The following COPS5 variants were observed in gnomAD, a reference collection of about 807,000 sequenced individuals.
The protein encoded by COPS5 is COP9 signalosome complex subunit 5.
In COPS5, 8 loss-of-function variants were observed where a neutral mutation model predicts 44.4. The ratio of observed to expected loss-of-function variants is 0.18; its 90% confidence interval spans 0.11 to 0.32. COPS5 has a LOEUF of 0.32. COPS5 is among the 10% of genes least tolerant of loss of function. The pLI is 1.00. For missense variants in COPS5, 159 were observed against 406.4 expected (o/e 0.39, Z 5.23); for synonymous variants, 122 against 142.8 (o/e 0.85, Z 1.04).
chr8:67,053,822 C>T (rs958531652), intron 5 of COPS5, among the ~76,000 whole-genome samples: 1 of 151,464 alleles, frequency 6.6e-6, no homozygotes, highest in Non-Finnish European at 1.5e-5. Flanking sequence ...CTGGCTAAGA[C>T]GGTGAAACCC....
At chr8:67,049,508 C>T (rs1346964977) in intron 6 of COPS5, among the ~76,000 whole-genome samples, 1 of 152,172 alleles carries the variant, frequency 6.6e-6, no homozygotes, top group African/African-American at 2.4e-5. Context: ...TCCAGGTCAA[C>T]TGAATAAACC....
intron 1 of COPS5, chr8:67,059,695 TA>T: frequency 2.3e-6 from 1 of 435,508 alleles, no homozygotes; most frequent in Non-Finnish European, 4.2e-6. Context: ...GCTATTCAAA[TA>T]AGGGAGTAAC....
At chr8:67,058,358 T>C (rs957968941) in intron 2 of COPS5, 147 bp from the exon 3 acceptor site, 6 of 666,386 alleles carry the variant, frequency 9.0e-6, no homozygotes, top group South Asian at 5.9e-5. Flanking sequence ...CTATGGGCAA[T>C]TGCTTACCCT....
intron 1 of COPS5, chr8:67,060,527 A>C (rs946080801): frequency 3.1e-6 from 4 of 1,288,962 alleles, no homozygotes; most frequent in Non-Finnish European, 4.0e-6. Flanking sequence ...ATGAATCGAA[A>C]TCTTGGCTTC....
intron 1 of COPS5, 56 bp from the exon 2 acceptor site, chr8:67,059,501 A>G (rs1282026593): frequency 7.5e-6 from 10 of 1,339,630 alleles, no homozygotes; most frequent in East Asian, 7.1e-5. Flanking sequence ...AAATTTCAGA[A>G]AAGTTTTTAT....
chr8:67,055,445 C>G (rs1271401807), intron 5 of COPS5, among the ~76,000 whole-genome samples: 3 of 152,112 alleles, frequency 2.0e-5, no homozygotes, highest in African/African-American at 7.2e-5. Context: ...ATGGCAGTGG[C>G]TTGGGTGAAA....
chr8:67,048,313 TA>T (rs1016404791), intron 6 of COPS5, among the ~76,000 whole-genome samples: 76 of 148,026 alleles, frequency 5.1e-4, no homozygotes, highest in African/African-American at 1.8e-3. Context: ...AATAAAATAA[TA>T]AAATAAAATA....
chr8:67,043,344 A>C, intron 7 of COPS5, 27 bp from the exon 8 acceptor site: 1 of 1,386,112 alleles, frequency 7.2e-7, no homozygotes. Flanking sequence ...ACATCACATG[A>C]TGTCATAAAT....
At chr8:67,050,558 A>G (rs866883883) in intron 6 of COPS5, among the ~76,000 whole-genome samples, 6 of 140,996 alleles carry the variant, frequency 4.3e-5, no homozygotes, top group African/African-American at 1.3e-4. Flanking sequence ...TGTGAGTGTG[A>G]GTGTGTGTGT....
intron 1 of COPS5, 157 bp downstream of exon 1, chr8:67,061,697 G>C: frequency 2.8e-6 from 2 of 713,620 alleles, no homozygotes; most frequent in East Asian, 5.2e-5. Flanking sequence ...GAAAGCCCCA[G>C]CGGAGGGCTT....
chr8:67,048,689 C>A (rs183512443), intron 6 of COPS5, among the ~76,000 whole-genome samples: 3 of 138,344 alleles, frequency 2.2e-5, no homozygotes, highest in African/African-American at 8.1e-5. Context: ...GCACTCCAGC[C>A]GGGGTGACAG....
rs1039768320 is a variant in COPS5, at chr8:67,045,820, T to C, written c.912A>G (p.Thr304=). The change falls in exon 7 of 8, where the codon ACA becomes ACG. Residue 304 remains threonine, a synonymous_variant. Coordinates refer to ENST00000357849, the MANE Select transcript of COPS5 (RefSeq NM_006837.3). ...TATAGATTTACTCTTACCTGTCTCT[T>C]GTAGCTTTGGCAAGTTTGTCTTCTG... The part of the protein sequence containing the change: ...RKSEDKLAKA[T]RDSCKTTIEA... 6 of 1,614,196 alleles carry C rather than the reference T, an allele frequency of 3.7e-6. No individual in the cohort carries two copies. The highest frequency in any genetic ancestry group is 5.1e-6 in the Non-Finnish European group (6 of 1,180,028).
At chr8:67,060,572 C>T in intron 1 of COPS5, 1 of 1,147,728 alleles carries the variant, frequency 8.7e-7, no homozygotes, top group Non-Finnish European at 1.2e-6. Flanking sequence ...AGACAAGTTA[C>T]TGTGCTCCTA....
At chr8:67,053,197 G>A (rs1011838230) in intron 5 of COPS5, among the ~76,000 whole-genome samples, 2 of 151,674 alleles carry the variant, frequency 1.3e-5, no homozygotes, top group Admixed American at 6.6e-5. Context: ...TCAAGTGATC[G>A]TTCTGCCATA....
chr8:67,054,603 T>TA (rs1421306107), intron 5 of COPS5, among the ~76,000 whole-genome samples: 2 of 152,186 alleles, frequency 1.3e-5, no homozygotes, highest in African/African-American at 4.8e-5. Flanking sequence ...TTTACAGAAA[T>TA]ATGTCAGAGA....
chr8:67,053,682 CAG>C (rs1001950986), intron 5 of COPS5, among the ~76,000 whole-genome samples: 2 of 147,734 alleles, frequency 1.4e-5, no homozygotes, highest in African/African-American at 5.0e-5. Flanking sequence ...GCCTGGGTGA[CAG>C]AGTGAGACTC....
chr8:67,051,276 C>T lies in COPS5; in HGVS notation c.725G>A (p.Trp242Ter). Residue 242 changes from tryptophan to a stop codon, truncating the protein, a stop_gained, in exon 6 of 8, where the codon TGG becomes TAG. Coordinates refer to ENST00000357849, the MANE Select transcript of COPS5 (RefSeq NM_006837.3). LOFTEE classifies it high-confidence loss of function. ...CAACGTATTCACCCAGTATTTATTC[C>T]ACAACAGCTCAAGCAATTTGCGATC... is the stretch of plus-strand genomic sequence containing the variant. The part of the protein sequence containing the change: ...SLDRKLLELL[W>*]NKYWVNTLSS... The T allele has an allele frequency of 6.2e-7, 1 of 1,612,370 alleles. No homozygotes were observed. Among genetic ancestry groups the T allele is most frequent in the Non-Finnish European group, 8.5e-7 (1 of 1,179,308 alleles).
At chr8:67,050,540 C>T (rs955577378) in intron 6 of COPS5, among the ~76,000 whole-genome samples, 1 of 147,420 alleles carries the variant, frequency 6.8e-6, no homozygotes, top group African/African-American at 2.6e-5. Flanking sequence ...AAGTTTTGCC[C>T]GGAAATATGT....
At chr8:67,055,126 G>C (rs779128525) in intron 5 of COPS5, among the ~76,000 whole-genome samples, 1 of 152,212 alleles carries the variant, frequency 6.6e-6, no homozygotes, top group Non-Finnish European at 1.5e-5. Context: ...AGTGCTCTGA[G>C]CCATGAGCCT....
Sources: gnomAD v4.1 joint callset for allele counts (sites outside exome capture counted in the v4.1 genomes callset) on GRCh38, gnomAD v4.1.1 for gene constraint, MANE v1.5 for transcripts, NCBI Gene and HGNC (gene_info 2026-07-23, HGNC 2026-07-21) for gene names.